TBC1D9: variants seen among roughly 807,000 people sequenced by gnomAD.
TBC1D9 encodes the protein TBC1 domain family member 9, also known as TBC1 domain family member 9A.
Under a neutral mutation model 132.0 loss-of-function variants are expected in TBC1D9, and 63 were observed. That is an observed-to-expected ratio of 0.48 (90% CI 0.39 to 0.59). The LOEUF (loss-of-function observed/expected upper bound fraction) is 0.59, where lower values mean the gene tolerates loss of function less well. Among genes scored for constraint, TBC1D9 ranks in the 20% least tolerant of loss-of-function variants. TBC1D9 has a pLI of 0.00. For missense variants in TBC1D9, 1,261 were observed against 1,592.7 expected (o/e 0.79, Z 3.54); for synonymous variants, 610 against 609.9 (o/e 1.00, Z 0.00).
At position 140,657,733 on chromosome 4, in the gene TBC1D9, C is replaced by T. The variant is rs1484996196; in HGVS notation, c.2001G>A (p.Leu667=). The T allele has an allele frequency of 1.9e-6, 3 of 1,613,882 alleles. No homozygotes were observed. Among genetic ancestry groups the T allele is most frequent in the Non-Finnish European group, 2.5e-6 (3 of 1,179,910 alleles). The part of the protein sequence containing the change: ...VPQLYDCMQD[L]GVISTISLSW... ...ACAGGGAGATGGTGGAAATCACGCCCAGGTCTTGCATGCAGTCGTACAGCT... is the reference window on the plus strand; with the variant it reads ...ACAGGGAGATGGTGGAAATCACGCCTAGGTCTTGCATGCAGTCGTACAGCT... Residue 667 remains leucine (L), a synonymous_variant, in exon 12 of 21, where the codon CTG becomes CTA. Coordinates refer to ENST00000442267, the MANE Select transcript of TBC1D9 (RefSeq NM_015130.3).
chr4:140,639,537 C>T (rs1273020493), intron 13 of TBC1D9, 109 bp from the exon 14 acceptor site: 18 of 756,394 alleles, frequency 2.4e-5, no homozygotes, highest in Non-Finnish European at 3.8e-5. Flanking sequence ...AATGACTTCT[C>T]ATATGATGGG....
At chr4:140,724,022 TGTG>T (rs1176366095) in intron 1 of TBC1D9, among the ~76,000 whole-genome samples, 19 of 152,292 alleles carry the variant, frequency 1.2e-4, no homozygotes, top group East Asian at 1.2e-3. Flanking sequence ...GGATTACAGG[TGTG>T]AGCCAGCCAA....
rs563111129 is a variant in TBC1D9, at chr4:140,621,900, A to C, written c.*295T>G. ...TATACAGCTCAACAGCAAGATTAATAAGTTATAATACACACATATCACTGA... is the reference window on the plus strand; with the variant it reads ...TATACAGCTCAACAGCAAGATTAATCAGTTATAATACACACATATCACTGA... On this transcript the variant is annotated 3_prime_UTR_variant, in exon 21 of 21. Coordinates refer to ENST00000442267, the MANE Select transcript of TBC1D9 (RefSeq NM_015130.3). The C allele has an allele frequency of 3.8e-6, 1 of 264,212 alleles. No individual in the cohort carries two copies. Among genetic ancestry groups the C allele is most frequent in the African/African-American group, 2.2e-5 (1 of 45,510 alleles). The allele number at this position is 264,212 out of a possible 1,614,324, so 16.4% of individuals were successfully genotyped here.
chr4:140,753,074 C>A (rs1454333366), intron 1 of TBC1D9, among the ~76,000 whole-genome samples: 2 of 152,278 alleles, frequency 1.3e-5, no homozygotes, highest in East Asian at 3.9e-4. Flanking sequence ...GCTCAAGCGT[C>A]ACTTCCTCAA....
rs922539717 is a variant in TBC1D9 at position 140,701,603 on chromosome 4, C to T, written c.142G>A (p.Gly48Ser). The T allele has an allele frequency of 2.5e-6, 4 of 1,613,714 alleles. No individual in the cohort carries two copies. Among genetic ancestry groups the T allele is most frequent in the Non-Finnish European group, 3.4e-6 (4 of 1,179,796 alleles). Reference protein sequence around the residue: ...GGGGLAGLLVGTLDVVLDSSA... With the variant: ...GGGGLAGLLVSTLDVVLDSSA... Reference sequence around the variant, plus strand: ...GAGTCCAACACAACATCAAGGGTACCCACCAGCAGGCCTGAGGGTGGAAAG... The same window carrying T: ...GAGTCCAACACAACATCAAGGGTACTCACCAGCAGGCCTGAGGGTGGAAAG... The change falls in exon 2 of 21, where the codon GGT (glycine) becomes AGT (serine). Residue 48 changes from glycine (G) to serine (S), a missense_variant. Gly to Ser is a moderately conservative substitution (Grantham distance 56). Coordinates refer to ENST00000442267, the MANE Select transcript of TBC1D9 (RefSeq NM_015130.3).
chr4:140,716,409 C>G (rs1003117604), intron 1 of TBC1D9, among the ~76,000 whole-genome samples: 1 of 151,902 alleles, frequency 6.6e-6, no homozygotes, highest in Non-Finnish European at 1.5e-5. Flanking sequence ...GAGAATCCCT[C>G]GAACCTGGAG....
chr4:140,723,525 G>T (rs1323047550), intron 1 of TBC1D9, among the ~76,000 whole-genome samples: 1 of 151,990 alleles, frequency 6.6e-6, no homozygotes, highest in Non-Finnish European at 1.5e-5. Context: ...GTAGAGACAG[G>T]GTTTCGCCAT....
chr4:140,682,924 T>C (rs1283433124), intron 3 of TBC1D9, among the ~76,000 whole-genome samples: 2 of 152,224 alleles, frequency 1.3e-5, no homozygotes, highest in African/African-American at 4.8e-5. Context: ...TTTGCTCTTG[T>C]TGCCCAGGCT....
intron 3 of TBC1D9, among the ~76,000 whole-genome samples, chr4:140,682,727 G>A (rs1424222085): frequency 6.6e-6 from 1 of 152,126 alleles, no homozygotes; most frequent in Non-Finnish European, 1.5e-5. Flanking sequence ...ACCCTCAAGT[G>A]GGCTAACATG....
chr4:140,720,339 A>C (rs1203394856), intron 1 of TBC1D9, among the ~76,000 whole-genome samples: 1 of 152,214 alleles, frequency 6.6e-6, no homozygotes, highest in Non-Finnish European at 1.5e-5. Flanking sequence ...CACTCTAACA[A>C]CAGTGTGTGG....
At chr4:140,645,142 C>T in intron 13 of TBC1D9, 1 of 560,246 alleles carries the variant, frequency 1.8e-6, no homozygotes, top group Non-Finnish European at 3.4e-6. Context: ...TGCACGTGGG[C>T]CAGGTCAGCC....
chr4:140,698,952 C>T (rs1434434114), intron 2 of TBC1D9, among the ~76,000 whole-genome samples: 1 of 152,146 alleles, frequency 6.6e-6, no homozygotes, highest in African/African-American at 2.4e-5. Flanking sequence ...TCACACTGGG[C>T]TGTAATTGAC....
chr4:140,682,427 G>C (rs1190443019), intron 3 of TBC1D9, among the ~76,000 whole-genome samples: 1 of 152,120 alleles, frequency 6.6e-6, no homozygotes, highest in Non-Finnish European at 1.5e-5. Flanking sequence ...AAGAACTTCA[G>C]ACAACTGAAG....
At chr4:140,642,198 G>C (rs1164226385) in intron 13 of TBC1D9, 25 of 750,230 alleles carry the variant, frequency 3.3e-5, no homozygotes, top group Non-Finnish European at 5.8e-5. Context: ...AGCCGGAGGG[G>C]CCTTGGGCGG....
At chr4:140,703,705 C>G (rs1388360573) in intron 1 of TBC1D9, among the ~76,000 whole-genome samples, 1 of 152,108 alleles carries the variant, frequency 6.6e-6, no homozygotes, top group Non-Finnish European at 1.5e-5. Context: ...TAGCTGACCT[C>G]AACATACCAG....
intron 1 of TBC1D9, among the ~76,000 whole-genome samples, chr4:140,746,594 A>G (rs1351709381): frequency 6.6e-6 from 1 of 152,214 alleles, no homozygotes; most frequent in Non-Finnish European, 1.5e-5. Context: ...ATGGCTGGGG[A>G]GGCCTCATAA....
chr4:140,624,314 C>A lies in TBC1D9; in HGVS notation c.2974G>T (p.Gly992Trp). 1 of 1,613,640 alleles carries A rather than the reference C, an allele frequency of 6.2e-7. No homozygotes were observed. Among genetic ancestry groups the A allele is most frequent in the Non-Finnish European group, 8.5e-7 (1 of 1,179,764 alleles). The change falls in exon 19 of 21, where the codon GGG becomes TGG. Residue 992 changes from glycine to tryptophan, a missense_variant and splice_region_variant. Transcript: ENST00000442267. The part of the protein sequence containing the change: ...FVTVSLKPDK[G>W]KRANSQENRN... ...AACATATAGAAGAGAATATCCTTAC[C>A]TTTGTCTGGCTTTAGGCTCACCGTA...
chr4:140,678,952 C>A lies in TBC1D9; in HGVS notation c.841G>T (p.Ala281Ser). 6.2e-7 allele frequency: 1 copy of A among 1,613,800 alleles called. No homozygotes were observed. Among genetic ancestry groups the A allele is most frequent in the Non-Finnish European group, 8.5e-7 (1 of 1,179,756 alleles). ...LKRKSPKKVS[A>S]LKRDLDARAK... ...GTCTCTATCACCCACCGTTTTAGAGCAGACACTTTTTTAGGAGATTTCCTT... is the reference window on the plus strand; with the variant it reads ...GTCTCTATCACCCACCGTTTTAGAGAAGACACTTTTTTAGGAGATTTCCTT... Residue 281 changes from alanine (A) to serine (S), a missense_variant, in exon 5 of 21, where the codon GCT becomes TCT. By Grantham distance (99) the Ala-to-Ser change is moderately conservative (BLOSUM62 1). Transcript: ENST00000442267.
At chr4:140,731,709 G>C (rs1457030594) in intron 1 of TBC1D9, among the ~76,000 whole-genome samples, 4 of 151,604 alleles carry the variant, frequency 2.6e-5, no homozygotes, top group Non-Finnish European at 5.9e-5. Context: ...AACATTTGCA[G>C]GGTACTTCAG....
Sources: allele counts gnomAD v4.1 joint callset (sites outside exome capture counted in the v4.1 genomes callset), GRCh38; gene constraint gnomAD v4.1.1; transcripts MANE v1.5; gene names NCBI Gene and HGNC (gene_info 2026-07-23, HGNC 2026-07-21).